AEN: variants seen among roughly 807,000 people sequenced by gnomAD.
The protein encoded by AEN is apoptosis-enhancing nuclease.
A neutral mutation model predicts 17.7 loss-of-function variants in AEN; 21 were observed. The observed-to-expected ratio is 1.19, with a 90% CI of 0.84 to 1.71. AEN has a LOEUF of 1.71. AEN is among the 40% of genes most tolerant of loss of function. The pLI is 0.00. For missense variants in AEN, 462 were observed against 435.9 expected, an observed-to-expected ratio of 1.06 and a Z score of -0.53; for synonymous variants, 190 against 173.0, an observed-to-expected ratio of 1.10 and a Z score of -0.77.
At chr15:88,624,457 T>C (rs541879849) in intron 1 of AEN, among the ~76,000 whole-genome samples, 9 of 152,280 alleles carry the variant, frequency 5.9e-5, no homozygotes, top group Non-Finnish European at 1.2e-4. Context: ...CAGTGGTTAT[T>C]GAGCCCCTAC....
the AEN span, among the ~76,000 whole-genome samples, chr15:88,608,847 G>A: frequency 6.6e-6 from 1 of 152,224 alleles, no homozygotes; most frequent in Non-Finnish European, 1.5e-5. Flanking sequence ...TTGCAGGTAG[G>A]TGATGGTTAT....
intron 2 of AEN, 132 bp downstream of exon 2, chr15:88,626,881 G>T: frequency 1.0e-6 from 1 of 992,336 alleles, no homozygotes; most frequent in Non-Finnish European, 1.5e-6. Context: ...CCAAACAGTA[G>T]GTTCCTTCTC....
Position 88,630,155 on chromosome 15 carries a change from G to C in AEN, c.839G>C (p.Ser280Thr), listed in dbSNP as rs150568865. 4.6e-5 allele frequency: 75 copies of C among 1,613,974 alleles called. No individual in the cohort carries two copies. In the African/African-American group the frequency reaches 8.7e-4, roughly 19 times the overall value. The change falls in exon 4 of 4, where the codon AGC (serine) becomes ACC (threonine). Residue 280 changes from serine (S) to threonine (T), a missense_variant. Ser to Thr is a moderately conservative substitution (Grantham distance 58, BLOSUM62 1). Transcript: ENST00000332810. The surrounding 1 kb of genome is among the most constrained non-coding windows in gnomAD (Gnocchi z 5.1). ...CAGTGGGAACAGCAGGAGGCCCGCAGCCTCTGGACCTGCCCCGAGGACAGA... is the reference window on the plus strand; with the variant it reads ...CAGTGGGAACAGCAGGAGGCCCGCACCCTCTGGACCTGCCCCGAGGACAGA... ...EVQWEQQEARSLWTCPEDREP... is the reference protein window; with the variant it reads ...EVQWEQQEARTLWTCPEDREP...
chr15:88,629,232 A>C lies in AEN; in HGVS notation c.547A>C (p.Lys183Gln), dbSNP rs374505129. The change falls in exon 3 of 4, where the codon AAG (lysine) becomes CAG (glutamine). Residue 183 changes from lysine to glutamine, a missense_variant. Transcript: ENST00000332810. Reference sequence around the variant, plus strand: ...CTCCTCTTTCTGCTCACAGATCCTTAAGCTCCTGAAGGGCAAGGTGGTGGT... The same window carrying C: ...CTCCTCTTTCTGCTCACAGATCCTTCAGCTCCTGAAGGGCAAGGTGGTGGT... Reference protein sequence around the residue: ...PFQVAQKEILKLLKGKVVVGH... With the variant: ...PFQVAQKEILQLLKGKVVVGH... 1.2e-6 allele frequency: 2 copies of C among 1,613,940 alleles called. No homozygotes were observed. The highest frequency in any genetic ancestry group is 1.7e-6 in the Non-Finnish European group (2 of 1,179,942).
chr15:88,610,250 CA>C, the AEN span, among the ~76,000 whole-genome samples: 1 of 151,516 alleles, frequency 6.6e-6, no homozygotes, highest in Non-Finnish European at 1.5e-5. Flanking sequence ...GTCTCTAAAA[CA>C]ATTCAAGGTT....
At chr15:88,609,772 T>C in the AEN span, among the ~76,000 whole-genome samples, 4 of 152,244 alleles carry the variant, frequency 2.6e-5, no homozygotes, top group African/African-American at 9.6e-5. Context: ...CACAATCAGT[T>C]CAAATTCATC....
intron 1 of AEN, among the ~76,000 whole-genome samples, chr15:88,625,600 C>A (rs1484478520): frequency 6.6e-6 from 1 of 152,190 alleles, no homozygotes; most frequent in East Asian, 1.9e-4. Context: ...CTATGAAATT[C>A]TTTCTCCAGG....
At chr15:88,608,223 T>C in the AEN span, 2 of 513,344 alleles carry the variant, frequency 3.9e-6, no homozygotes, top group Middle Eastern at 3.2e-4. Context: ...ACAGAAGGAT[T>C]GAATCTGCCT....
rs1296715674 is a variant in AEN at position 88,629,279 on chromosome 15, C to T, written c.594C>T (p.Asp198=). 6.2e-7 allele frequency: 1 copy of T among 1,614,048 alleles called. No individual in the cohort carries two copies. Among genetic ancestry groups the T allele is most frequent in the African/African-American group, 1.3e-5 (1 of 74,916 alleles). ...KVVVGHALHN[D]FQALKYVHPR... Reference sequence around the variant, plus strand: ...TGGTGGGGCACGCGCTGCACAACGACTTCCAGGCGCTCAAGTATGTCCACC... The same window carrying T: ...TGGTGGGGCACGCGCTGCACAACGATTTCCAGGCGCTCAAGTATGTCCACC... The change falls in exon 3 of 4, where the codon GAC becomes GAT. Residue 198 remains aspartate, a synonymous_variant. Coordinates refer to ENST00000332810, the MANE Select transcript of AEN (RefSeq NM_022767.4).
the AEN span, among the ~76,000 whole-genome samples, chr15:88,609,896 G>A: frequency 3.3e-4 from 50 of 152,060 alleles, 1 homozygote; most frequent in African/African-American, 9.4e-4. Flanking sequence ...CATTTATCAC[G>A]GGCCAGGCTG....
At chr15:88,618,544 A>G (rs1354236363), upstream of AEN, among the ~76,000 whole-genome samples, 1 of 152,248 alleles carries the variant, frequency 6.6e-6, no homozygotes, top group Non-Finnish European at 1.5e-5. Flanking sequence ...TCTTCATTAA[A>G]ATGTCATGGA....
the AEN span, among the ~76,000 whole-genome samples, chr15:88,615,496 C>G: frequency 2.0e-5 from 3 of 152,180 alleles, no homozygotes; most frequent in Admixed American, 2.0e-4. Context: ...GTGCATAAAA[C>G]AAGTACCTTA....
the AEN span, chr15:88,611,950 T>C: frequency 2.1e-6 from 1 of 487,714 alleles, no homozygotes; most frequent in Non-Finnish European, 4.2e-6. Flanking sequence ...GTGCAGGAAA[T>C]GGGGGCAGCC....
At chr15:88,606,952 C>T in the AEN span, among the ~76,000 whole-genome samples, 1 of 131,080 alleles carries the variant, frequency 7.6e-6, no homozygotes, top group Admixed American at 7.5e-5. Flanking sequence ...CTCTCTTTTT[C>T]CCCCTTAAAA....
upstream of AEN, among the ~76,000 whole-genome samples, chr15:88,616,921 A>T (rs187208356): frequency 1.3e-5 from 2 of 152,304 alleles, no homozygotes; most frequent in African/African-American, 4.8e-5. Context: ...GGTAGGTTAG[A>T]TGTATTAAGT....
At chr15:88,625,155 A>T (rs2057835323) in intron 1 of AEN, among the ~76,000 whole-genome samples, 1 of 152,200 alleles carries the variant, frequency 6.6e-6, no homozygotes, top group African/African-American at 2.4e-5. Flanking sequence ...ATCTGCAAGC[A>T]CTTCAGATCA....
At chr15:88,611,140 A>T in the AEN span, among the ~76,000 whole-genome samples, 3 of 152,236 alleles carry the variant, frequency 2.0e-5, no homozygotes, top group Non-Finnish European at 4.4e-5. Context: ...GGCCATGCCC[A>T]TAGGCTTCCA....
chr15:88,604,875 T>G, the AEN span: 1 of 151,896 alleles, frequency 6.6e-6, no homozygotes, highest in East Asian at 1.9e-4. This position sits in a 1 kb window ranked among gnomAD's most constrained non-coding sequence, Gnocchi z 8.1. Flanking sequence ...GGCAGCTGGG[T>G]GGTGAGGGGC....
rs751462536 is a variant in AEN, at chr15:88,626,468, G to A, written c.259G>A (p.Gly87Arg). Residue 87 changes from glycine (G) to arginine (R), a missense_variant, in exon 2 of 4, where the codon GGA becomes AGA. Physicochemically the swap from Gly to Arg is moderately radical, Grantham distance 125. Coordinates refer to ENST00000332810, the MANE Select transcript of AEN (RefSeq NM_022767.4). ...CAGTGGGAAGCAGTGTCTGAGGGCTGGATCTGGCAGTGCCCCATGCAGCAG... is the reference window on the plus strand; with the variant it reads ...CAGTGGGAAGCAGTGTCTGAGGGCTAGATCTGGCAGTGCCCCATGCAGCAG... ...ASSGKQCLRA[G>R]SGSAPCSRRP... 2 of 1,613,882 alleles carry A rather than the reference G, an allele frequency of 1.2e-6. No individual in the cohort carries two copies. Among genetic ancestry groups the A allele is most frequent in the Admixed American group, 1.7e-5 (1 of 60,002 alleles).
Sources: gnomAD v4.1 joint callset for allele counts (sites outside exome capture counted in the v4.1 genomes callset) on GRCh38, gnomAD v4.1.1 for gene constraint, Gnocchi (gnomAD v3.1) non-coding constraint, MANE v1.5 for transcripts, NCBI Gene and HGNC (gene_info 2026-07-23, HGNC 2026-07-21) for gene names.